SGCZ: variants seen among roughly 807,000 people sequenced by gnomAD.
SGCZ encodes zeta-sarcoglycan.
SGCZ carries 40 observed loss-of-function variants against 41.3 expected under a neutral mutation model. That is an observed-to-expected ratio of 0.97 (90% confidence interval 0.75 to 1.26). SGCZ has a LOEUF of 1.26. Ranked by LOEUF, SGCZ falls within the 50% of genes most tolerant of loss-of-function variation. The pLI, the probability that SGCZ is intolerant of heterozygous loss-of-function variation, is 0.00. For synonymous variants in SGCZ, 206 were observed against 137.5 expected (o/e 1.50, Z -3.49); for missense variants, 552 against 369.8 (o/e 1.49, Z -4.04).
In SGCZ at chr8:14,144,822, G is replaced by A. The variant is rs552199883; in HGVS notation, c.547+19758C>T. 3.3e-4 allele frequency among the ~76,000 whole-genome samples: 51 copies of A among 152,244 alleles called. 1 individual carries two copies. In the South Asian group the frequency reaches 8.9e-3, roughly 27 times the overall value. On this transcript the variant is annotated intron_variant, in intron 5 of 7. Coordinates refer to ENST00000382080, the MANE Select transcript of SGCZ (RefSeq NM_139167.4). Reference sequence around the variant, plus strand: ...ATATAAGAGTCCTTGGGCCTTAAGGGAATATCAGTGGTAGTCTGACCGTAC... The same window carrying A: ...ATATAAGAGTCCTTGGGCCTTAAGGAAATATCAGTGGTAGTCTGACCGTAC...
intron 3 of SGCZ, among the ~76,000 whole-genome samples, chr8:14,286,239 C>T (rs1800622637): frequency 6.6e-6 from 1 of 152,076 alleles, no homozygotes; most frequent in African/African-American, 2.4e-5. Context: ...TTGTCTATAG[C>T]ATATTTTTCT....
chr8:14,198,136 G>C (rs1331530900), intron 4 of SGCZ, among the ~76,000 whole-genome samples: 1 of 152,202 alleles, frequency 6.6e-6, no homozygotes, highest in Non-Finnish European at 1.5e-5. Context: ...ACTGCATGCT[G>C]TTCTGAGTAG....
At chr8:14,577,653 G>C (rs567689943) in intron 1 of SGCZ, among the ~76,000 whole-genome samples, 1 of 152,098 alleles carries the variant, frequency 6.6e-6, no homozygotes, top group Non-Finnish European at 1.5e-5. Flanking sequence ...CTCCCAAAGT[G>C]CTGGGATTAC....
At chr8:14,828,832 T>G (rs917903057) in intron 1 of SGCZ, among the ~76,000 whole-genome samples, 3 of 152,206 alleles carry the variant, frequency 2.0e-5, no homozygotes, top group African/African-American at 7.2e-5. Flanking sequence ...AGCAGAGTCC[T>G]TCTTTACCAT....
intron 4 of SGCZ, among the ~76,000 whole-genome samples, chr8:14,222,220 G>C (rs1488761186): frequency 2.0e-5 from 3 of 151,986 alleles, no homozygotes; most frequent in Non-Finnish European, 4.4e-5. Flanking sequence ...GCTCAGGCTG[G>C]AGTGCAGTGG....
chr8:14,180,955 G>T (rs1166110226), intron 4 of SGCZ, among the ~76,000 whole-genome samples: 3 of 151,842 alleles, frequency 2.0e-5, no homozygotes, highest in Admixed American at 6.6e-5. Flanking sequence ...AATCTAAGAG[G>T]CTTACAATAT....
intron 4 of SGCZ, among the ~76,000 whole-genome samples, chr8:14,228,102 A>T (rs151015789): frequency 6.6e-6 from 1 of 152,164 alleles, no homozygotes; most frequent in Non-Finnish European, 1.5e-5. Context: ...GTTTTCAGAT[A>T]ATTATTCCCA....
chr8:14,795,837 T>C (rs540904471), intron 1 of SGCZ, among the ~76,000 whole-genome samples: 1 of 152,184 alleles, frequency 6.6e-6, no homozygotes, highest in Non-Finnish European at 1.5e-5. Context: ...CCCTCCACCC[T>C]CCGAAAGATC....
chr8:14,173,102 A>G (rs966818860), intron 4 of SGCZ, among the ~76,000 whole-genome samples: 1 of 152,154 alleles, frequency 6.6e-6, no homozygotes, highest in African/African-American at 2.4e-5. Flanking sequence ...TTCAGTCTAG[A>G]AAGTCTAAAA....
chr8:14,530,321 C>T (rs1259756472), intron 2 of SGCZ, among the ~76,000 whole-genome samples: 1 of 152,000 alleles, frequency 6.6e-6, no homozygotes, highest in Non-Finnish European at 1.5e-5. Flanking sequence ...TAACTTATGA[C>T]TTTCTCACAG....
intron 1 of SGCZ, among the ~76,000 whole-genome samples, chr8:14,707,523 C>G (rs1809370966): frequency 6.6e-6 from 1 of 152,088 alleles, no homozygotes; most frequent in Admixed American, 6.6e-5. Flanking sequence ...AAAAGAACCT[C>G]AAATCTACGT....
chr8:14,108,286 C>T, intron 5 of SGCZ, 51 bp from the exon 6 acceptor site: 2 of 1,509,632 alleles, frequency 1.3e-6, no homozygotes, highest in Non-Finnish European at 1.8e-6. Context: ...CACACAGTGG[C>T]TTTCATCTCT....
intron 1 of SGCZ, among the ~76,000 whole-genome samples, chr8:15,159,634 G>T (rs988601032): frequency 1.3e-5 from 2 of 152,104 alleles, no homozygotes; most frequent in Non-Finnish European, 1.5e-5. Flanking sequence ...CATCATAGAA[G>T]TCTTCCCTGT....
intron 1 of SGCZ, among the ~76,000 whole-genome samples, chr8:14,760,854 GTT>G (rs1799847100): frequency 6.6e-6 from 1 of 152,162 alleles, no homozygotes; most frequent in Non-Finnish European, 1.5e-5. Flanking sequence ...TGAGGGCCCT[GTT>G]TCCTTTTTCA....
chr8:14,551,559 T>TA lies in SGCZ; in HGVS notation c.234+3172_234+3173insT, dbSNP rs1803850143. Among the ~76,000 whole-genome samples the TA allele has an allele frequency of 1.1e-3, 21 of 19,096 alleles. 1 individual carries two copies. The highest frequency in any genetic ancestry group is 5.5e-3 in the African/African-American group (16 of 2,888). The allele number at this position is 19,096 out of a possible 152,430, so 12.5% of individuals were successfully genotyped here. The stretch of plus-strand genomic sequence containing the variant: ...ATATATATAATATATATAATATATA[T>TA]TATATATATAATATATATATAATAT... On this transcript the variant is annotated intron_variant, in intron 2 of 7. Coordinates refer to ENST00000382080, the MANE Select transcript of SGCZ (RefSeq NM_139167.4).
chr8:15,065,290 G>T (rs908571230), intron 1 of SGCZ, among the ~76,000 whole-genome samples: 1 of 151,946 alleles, frequency 6.6e-6, no homozygotes, highest in East Asian at 1.9e-4. Flanking sequence ...CCTCATTGTC[G>T]AGGCAGAATT....
chr8:14,853,961 G>T (rs569926688), intron 1 of SGCZ, among the ~76,000 whole-genome samples: 1 of 146,218 alleles, frequency 6.8e-6, no homozygotes, highest in African/African-American at 2.5e-5. Context: ...ATCAAAGGTC[G>T]AAATTTGCCT....
chr8:14,596,946 A>T (rs1436030411), intron 1 of SGCZ, among the ~76,000 whole-genome samples: 1 of 152,228 alleles, frequency 6.6e-6, no homozygotes, highest in Non-Finnish European at 1.5e-5. Flanking sequence ...CAACAAAAAA[A>T]CAACCTGTCA....
At chr8:15,041,247 T>G (rs1804086258) in intron 1 of SGCZ, among the ~76,000 whole-genome samples, 2 of 151,940 alleles carry the variant, frequency 1.3e-5, no homozygotes, top group South Asian at 4.1e-4. Context: ...AAGAAATGTT[T>G]TAAACTTTTT....
Sources: allele counts gnomAD v4.1 joint callset (sites outside exome capture counted in the v4.1 genomes callset), GRCh38; gene constraint gnomAD v4.1.1; transcripts MANE v1.5; gene names NCBI Gene and HGNC (gene_info 2026-07-23, HGNC 2026-07-21).